The following MPRIP variants were observed in gnomAD, a reference collection of about 807,000 sequenced individuals.
MPRIP encodes myosin phosphatase Rho interacting protein.
A neutral mutation model predicts 234.9 loss-of-function variants in MPRIP; 59 were observed. The ratio of observed to expected loss-of-function variants is 0.25; its 90% CI spans 0.20 to 0.31. The LOEUF is 0.31. Ranked by LOEUF, MPRIP falls within the 10% of genes least tolerant of loss-of-function variation. The probability of loss-of-function intolerance (pLI) is 1.00; values close to 1 mark genes in which losing one functional copy is unlikely to be tolerated. For synonymous variants in MPRIP, 1,144 were observed against 1,263.9 expected, an observed-to-expected ratio of 0.91 and a Z score of 2.01; for missense variants, 2,436 against 3,071.0, an observed-to-expected ratio of 0.79 and a Z score of 4.89.
chr17:17,184,441 C>G (rs1430780419), intron 23 of MPRIP, among the ~76,000 whole-genome samples: 1 of 152,354 alleles, frequency 6.6e-6, no homozygotes, highest in African/African-American at 2.4e-5. Context: ...ATCTCTGGAG[C>G]TGGATGTGGA....
At chr17:17,097,575 T>C (rs1259326616) in intron 3 of MPRIP, among the ~76,000 whole-genome samples, 6 of 152,222 alleles carry the variant, frequency 3.9e-5, no homozygotes, top group Admixed American at 6.5e-5. Flanking sequence ...CCCCATTCCA[T>C]TGGGTGGCTG....
rs1240916254 is a variant in MPRIP, at chr17:17,166,586, C to T, written c.4995C>T (p.Ala1665=). The T allele has an allele frequency of 1.5e-6, 2 of 1,304,034 alleles. No individual in the cohort carries two copies. The highest frequency in any genetic ancestry group is 2.1e-4 in the Middle Eastern group (1 of 4,720). 80.8% of individuals were successfully genotyped at this position (1,304,034 alleles called of 1,614,324 possible). The change falls in exon 16 of 24, where the codon GCC becomes GCT. Residue 1665 remains alanine (A), a synonymous_variant. Coordinates refer to ENST00000651222, the MANE Select transcript of MPRIP (RefSeq NM_001364716.4). The surrounding 1 kb of genome is among the most constrained non-coding windows in gnomAD (Gnocchi z 4.4). Reference sequence around the variant, plus strand: ...GCCTGGCCCCCATCCTGGCCAATGCCACATGGGTCAGGGCAGAGCTCAGCT... The same window carrying T: ...GCCTGGCCCCCATCCTGGCCAATGCTACATGGGTCAGGGCAGAGCTCAGCT... The part of the protein sequence containing the change: ...PQGLAPILAN[A]TWVRAELSFA...
In MPRIP at chr17:17,120,618, T is replaced by C. The variant is rs1195132858; in HGVS notation, c.268-6084T>C. Among the ~76,000 whole-genome samples the C allele has an allele frequency of 2.6e-5, 4 of 152,274 alleles. No homozygotes were observed. The Middle Eastern group carries it at 0.01, about 388-fold the overall frequency. On this transcript the variant is annotated intron_variant, in intron 3 of 23. Coordinates refer to ENST00000651222, the MANE Select transcript of MPRIP (RefSeq NM_001364716.4). ...AAGAGGACCAGAGGCTCCAGATAGC[T>C]GGAGGGCTATGTGGGGGCTGAACCC...
rs935678071 is a variant in MPRIP, at chr17:17,166,225, C to A, written c.4634C>A (p.Pro1545His). 5.4e-6 allele frequency: 7 copies of A among 1,303,400 alleles called. No homozygotes were observed. In the African/African-American group the frequency reaches 1.1e-4, roughly 20 times the overall value. The allele number at this position is 1,303,400 out of a possible 1,614,324, so 80.7% of individuals were successfully genotyped here. A position where few individuals can be genotyped will look rare whatever the true frequency, so the allele number is the denominator to read the frequency against. The change falls in exon 16 of 24, where the codon CCT (proline) becomes CAT (histidine). Residue 1545 changes from proline to histidine, a missense_variant. Transcript: ENST00000651222. This position sits in a 1 kb window ranked among gnomAD's most constrained non-coding sequence, Gnocchi z 4.4. ...ETGGTEENGK[P>H]ASLQQCSQSE... ...GGTGGCACCGAGGAGAATGGGAAGC[C>A]TGCCTCCCTGCAGCAGTGCTCCCAG...
At chr17:17,122,201 C>T (rs2090402537) in intron 3 of MPRIP, among the ~76,000 whole-genome samples, 1 of 152,162 alleles carries the variant, frequency 6.6e-6, no homozygotes. Flanking sequence ...AATGGTATTT[C>T]TATCTTTAGG....
chr17:17,144,361 T>C (rs573197086), intron 9 of MPRIP, among the ~76,000 whole-genome samples: 207 of 152,330 alleles, frequency 1.4e-3, no homozygotes, highest in Non-Finnish European at 2.6e-4. Context: ...GAGTAAGGTT[T>C]GGGTTTTTCC....
chr17:17,048,066 C>T (rs1286760045), intron 1 of MPRIP, among the ~76,000 whole-genome samples: 1 of 151,626 alleles, frequency 6.6e-6, no homozygotes, highest in Non-Finnish European at 1.5e-5. Flanking sequence ...TCTCTTTCTC[C>T]TGCTGACTGT....
At chr17:17,104,177 A>T (rs1470347824) in intron 3 of MPRIP, among the ~76,000 whole-genome samples, 1 of 152,208 alleles carries the variant, frequency 6.6e-6, no homozygotes, top group African/African-American at 2.4e-5. Flanking sequence ...TACCTCCATT[A>T]TACAGATGAG....
At position 17,167,955 on chromosome 17, in the gene MPRIP, T is replaced by C. The variant is rs1316020517; in HGVS notation, c.6324+40T>C. 7.9e-7 allele frequency: 1 copy of C among 1,269,476 alleles called. No individual in the cohort carries two copies. The highest frequency in any genetic ancestry group is 1.0e-6 in the Non-Finnish European group (1 of 969,674). 78.6% of individuals were successfully genotyped at this position (1,269,476 alleles called of 1,614,324 possible). A position where few individuals can be genotyped will look rare whatever the true frequency, so the allele number is the denominator to read the frequency against. On this transcript the variant is annotated intron_variant, in intron 16 of 23. Coordinates refer to ENST00000651222, the MANE Select transcript of MPRIP (RefSeq NM_001364716.4). This position sits in a 1 kb window ranked among gnomAD's most constrained non-coding sequence, Gnocchi z 5.9. ...TTCAATTTGCAGAGCAGATCTTCCT[T>C]GATAATGGGGTGGGTGTGGGGACGT...
intron 1 of MPRIP, among the ~76,000 whole-genome samples, chr17:17,069,023 T>G (rs1203431967): frequency 2.0e-5 from 3 of 152,222 alleles, no homozygotes; most frequent in Non-Finnish European, 4.4e-5. Flanking sequence ...TTGAGAGGGA[T>G]GTTGAAGTCT....
intron 3 of MPRIP, among the ~76,000 whole-genome samples, chr17:17,126,446 T>G (rs1268752760): frequency 6.6e-6 from 1 of 152,166 alleles, no homozygotes; most frequent in Non-Finnish European, 1.5e-5. Flanking sequence ...TGTCCTCCCC[T>G]GCATATCCCC....
At chr17:17,147,202 C>T (rs765021328) in intron 10 of MPRIP, 117 bp from the exon 11 acceptor site, 42 of 964,488 alleles carry the variant, frequency 4.4e-5, no homozygotes, top group Non-Finnish European at 6.8e-5. Context: ...AGCCTGTCCC[C>T]TGCTTTCCCT....
chr17:17,150,887 C>T (rs1303252507), intron 12 of MPRIP, among the ~76,000 whole-genome samples: 1 of 151,990 alleles, frequency 6.6e-6, no homozygotes, highest in Non-Finnish European at 1.5e-5. Flanking sequence ...CACTCTCTGT[C>T]CAGGCTTGAG....
chr17:17,072,072 T>C (rs940744053), intron 1 of MPRIP, among the ~76,000 whole-genome samples: 2 of 152,206 alleles, frequency 1.3e-5, no homozygotes, highest in African/African-American at 2.4e-5. Flanking sequence ...GAGAATACTT[T>C]AGGGCCTTTT....
chr17:17,085,974 A>G (rs1243266254), intron 3 of MPRIP, among the ~76,000 whole-genome samples: 2 of 152,260 alleles, frequency 1.3e-5, no homozygotes, highest in Non-Finnish European at 2.9e-5. Context: ...GGAATTATCC[A>G]GGTGCCCAGA....
chr17:17,112,096 C>T (rs1222514522), intron 3 of MPRIP, among the ~76,000 whole-genome samples: 1 of 152,132 alleles, frequency 6.6e-6, no homozygotes, highest in Non-Finnish European at 1.5e-5. Context: ...CATGCTGCTG[C>T]GCTTTTCCAA....
chr17:17,173,726 AAGGAC>A, intron 18 of MPRIP, 185 bp from the exon 19 acceptor site: 1 of 717,680 alleles, frequency 1.4e-6, no homozygotes, highest in Non-Finnish European at 2.5e-6. Context: ...GACTGTGAGA[AAGGAC>A]CAGGGAGGGG....
At chr17:17,050,732 C>G (rs1432826207) in intron 1 of MPRIP, among the ~76,000 whole-genome samples, 1 of 152,082 alleles carries the variant, frequency 6.6e-6, no homozygotes, top group Non-Finnish European at 1.5e-5. Flanking sequence ...AAGTTCTCTT[C>G]TGGGCTCTGA....
At chr17:17,142,970 A>G (rs1463564526) in intron 8 of MPRIP, among the ~76,000 whole-genome samples, 2 of 152,088 alleles carry the variant, frequency 1.3e-5, no homozygotes, top group African/African-American at 2.4e-5. Flanking sequence ...CTGCTGAAGG[A>G]TATTCTCATG....
Sources: gnomAD v4.1 joint callset for allele counts (sites outside exome capture counted in the v4.1 genomes callset) on GRCh38, gnomAD v4.1.1 for gene constraint, Gnocchi (gnomAD v3.1) non-coding constraint, MANE v1.5 for transcripts, NCBI Gene and HGNC (gene_info 2026-07-23, HGNC 2026-07-21) for gene names.